The following GCA variants were observed in gnomAD, a reference collection of about 807,000 sequenced individuals.
GCA encodes grancalcin, EF-hand calcium-binding protein.
Under a neutral mutation model 32.6 loss-of-function variants are expected in GCA, and 30 were observed. The observed-to-expected ratio is 0.92, with a 90% CI of 0.69 to 1.25. The LOEUF (loss-of-function observed/expected upper bound fraction) is 1.25, where lower values mean the gene tolerates loss of function less well. GCA is among the 50% of genes most tolerant of loss of function. GCA has a pLI of 0.00. For synonymous variants in GCA, 102 were observed against 84.6 expected, an observed-to-expected ratio of 1.21 and a Z score of -1.13; for missense variants, 291 against 266.8, an observed-to-expected ratio of 1.09 and a Z score of -0.63.
chr2:162,352,499 A>G lies in GCA; in HGVS notation c.262+92A>G, dbSNP rs558556536. 9 of 789,748 alleles carry G rather than the reference A, an allele frequency of 1.1e-5. No individual in the cohort carries two copies. In the East Asian group the frequency reaches 2.2e-4, roughly 20 times the overall value. The allele number at this position is 789,748 out of a possible 1,614,324, so 48.9% of individuals were successfully genotyped here. A position where few individuals can be genotyped will look rare whatever the true frequency, so the allele number is the denominator to read the frequency against. On this transcript the variant is annotated intron_variant, in intron 3 of 7. Transcript: ENST00000437150. The stretch of plus-strand genomic sequence containing the variant: ...CTGTAATTAAAATGTTTAAAAAATT[A>G]TCACAGTTATACATGCACATAGTTT...
At chr2:162,319,074 G>A (rs1683575244) in exon 1 of GCA, 4 of 446,228 alleles carry the variant, frequency 9.0e-6, no homozygotes. Flanking sequence ...AGGCCTGGCT[G>A]AGGGTGGTGA....
chr2:162,341,270 TA>T (rs1684436695), upstream of GCA, among the ~76,000 whole-genome samples: 15 of 80,916 alleles, frequency 1.9e-4, no homozygotes, highest in African/African-American at 2.2e-4. Context: ...ATTTATTTTA[TA>T]TATATATATA....
chr2:162,362,518 A>G lies in GCA; in HGVS notation c.*2275A>G, dbSNP rs1685619159. 9.3e-6 allele frequency: 9 copies of G among 968,890 alleles called. No individual in the cohort carries two copies. The highest frequency in any genetic ancestry group is 1.1e-5 in the Non-Finnish European group (9 of 815,030). The allele number at this position is 968,890 out of a possible 1,614,324, so 60.0% of individuals were successfully genotyped here. On this transcript the variant is annotated 3_prime_UTR_variant, in exon 8 of 8. Coordinates refer to ENST00000437150, the MANE Select transcript of GCA (RefSeq NM_012198.5). ...TAACTTACACCCCAGTTCTTTTACG[A>G]TGATGTAAATTATTGAATAATGTAC...
intron 3 of GCA, 29 bp from the exon 4 acceptor site, chr2:162,356,409 C>T: frequency 7.3e-7 from 1 of 1,378,850 alleles, no homozygotes; most frequent in Non-Finnish European, 1.0e-6. Context: ...TGGGCATACT[C>T]TAATTTAAAT....
rs568604646 is a variant in GCA at position 162,361,529 on chromosome 2, G to T, written c.*1286G>T. 2.9e-5 allele frequency: 28 copies of T among 979,826 alleles called. No individual in the cohort carries two copies. In the African/African-American group the frequency reaches 4.9e-4, roughly 17 times the overall value. The allele number at this position is 979,826 out of a possible 1,614,324, so 60.7% of individuals were successfully genotyped here. ...ATCCCATGTTTCTTAATGGATGGAG[G>T]ATAGATGGCAATATCTTGAACAAAA... On this transcript the variant is annotated 3_prime_UTR_variant, in exon 8 of 8. Transcript: ENST00000437150.
rs567356408 is a variant in GCA at position 162,322,653 on chromosome 2, C to T, written c.-31+3428C>T. On this transcript the variant is annotated intron_variant, in intron 1 of 4. Transcript: ENST00000429691. ...ATTCCCACCTATGAGTGAGAATATGCGGTGTTTGGTTTTTTGTTCTTGCGA... is the reference window on the plus strand; with the variant it reads ...ATTCCCACCTATGAGTGAGAATATGTGGTGTTTGGTTTTTTGTTCTTGCGA... Among the ~76,000 whole-genome samples, 672 of 146,382 alleles carry T rather than the reference C, an allele frequency of 4.6e-3. 17 individuals are homozygous for T. The highest frequency in any genetic ancestry group is 0.016 in the African/African-American group (634 of 38,984).
exon 1 of GCA, chr2:162,319,067 C>T: frequency 2.3e-6 from 1 of 441,352 alleles, no homozygotes; most frequent in Non-Finnish European, 4.6e-6. Flanking sequence ...TGTAGGCAGG[C>T]CTGGCTGAGG....
intron 3 of GCA, among the ~76,000 whole-genome samples, chr2:162,355,431 A>G (rs115034514): frequency 5.8e-4 from 88 of 152,190 alleles, no homozygotes; most frequent in African/African-American, 1.6e-3. Context: ...TTCTGCTTTT[A>G]TAAAATGTTA....
intron 1 of GCA, among the ~76,000 whole-genome samples, chr2:162,332,788 A>G (rs1684144444): frequency 6.6e-6 from 1 of 152,168 alleles, no homozygotes; most frequent in South Asian, 2.1e-4. Flanking sequence ...AGTCACATTT[A>G]TTGCAAGTTT....
intron 7 of GCA, 68 bp downstream of exon 7, chr2:162,359,620 TG>T: frequency 1.4e-6 from 1 of 717,168 alleles, no homozygotes; most frequent in South Asian, 1.9e-5. Context: ...AAAATTTAAG[TG>T]ATCCCAAGTA....
At chr2:162,327,331 C>G (rs1318371693) in intron 1 of GCA, among the ~76,000 whole-genome samples, 1 of 152,112 alleles carries the variant, frequency 6.6e-6, no homozygotes, top group Non-Finnish European at 1.5e-5. Flanking sequence ...CCTCTGTTAA[C>G]TTCCCTATCA....
At chr2:162,325,336 A>G (rs1204178242) in intron 1 of GCA, among the ~76,000 whole-genome samples, 1 of 152,098 alleles carries the variant, frequency 6.6e-6, no homozygotes, top group African/African-American at 2.4e-5. Flanking sequence ...CTCTATTATA[A>G]AAGACCAAGG....
chr2:162,334,064 G>A (rs1012954827), intron 1 of GCA, among the ~76,000 whole-genome samples: 6 of 152,136 alleles, frequency 3.9e-5, no homozygotes, highest in Non-Finnish European at 2.9e-5. Context: ...CCTAGACATC[G>A]TCTTATCCAT....
At chr2:162,372,064 T>A (rs1307984532), downstream of GCA, 1 of 1,613,082 alleles carries the variant, frequency 6.2e-7, no homozygotes, top group Non-Finnish European at 8.5e-7. Flanking sequence ...GGATTTAAGT[T>A]TAGATTTTTC....
intron 1 of GCA, among the ~76,000 whole-genome samples, chr2:162,322,981 A>G (rs997589173): frequency 1.3e-5 from 2 of 151,934 alleles, no homozygotes; most frequent in Non-Finnish European, 2.9e-5. Flanking sequence ...AGGAATCACC[A>G]CACTGACTTC....
chr2:162,343,961 G>T (rs947950507), upstream of GCA: 4 of 459,212 alleles, frequency 8.7e-6, no homozygotes, highest in Non-Finnish European at 1.6e-5. Flanking sequence ...GGACTGGAGG[G>T]CTCCCGATGG....
chr2:162,356,752 T>G lies in GCA; in HGVS notation c.307-6T>G. ...CAGAATTTATTTTTGTTAATAAAAC[T>G]ATCAGAGAGATCACACAGGAAAAAT... is the stretch of plus-strand genomic sequence containing the variant. On this transcript the variant is annotated splice_polypyrimidine_tract_variant and splice_region_variant and intron_variant, in intron 4 of 7. Coordinates refer to ENST00000437150, the MANE Select transcript of GCA (RefSeq NM_012198.5). 2 of 1,594,414 alleles carry G rather than the reference T, an allele frequency of 1.3e-6. No homozygotes were observed. The highest frequency in any genetic ancestry group is 1.7e-6 in the Non-Finnish European group (2 of 1,166,722).
At chr2:162,365,863 G>T (rs1286656738), downstream of GCA, among the ~76,000 whole-genome samples, 1 of 151,350 alleles carries the variant, frequency 6.6e-6, no homozygotes, top group Non-Finnish European at 1.5e-5. Flanking sequence ...TAAATAAAGG[G>T]GCATTTGAGG....
rs781146543 is a variant in GCA, at chr2:162,358,993, A to C, written c.455-51A>C. ...TGACTTAATGAGAAAGCAATCTTGC[A>C]GTGTTCTTATGTTATTTACATTTAG... On this transcript the variant is annotated intron_variant, in intron 5 of 7. Coordinates refer to ENST00000437150, the MANE Select transcript of GCA (RefSeq NM_012198.5). 6 of 811,676 alleles carry C rather than the reference A, an allele frequency of 7.4e-6. No homozygotes were observed. The South Asian group carries it at 8.0e-5, about 11-fold the overall frequency. The allele number at this position is 811,676 out of a possible 1,614,324, so 50.3% of individuals were successfully genotyped here.
Sources: gnomAD v4.1 joint callset for allele counts (sites outside exome capture counted in the v4.1 genomes callset) on GRCh38, gnomAD v4.1.1 for gene constraint, MANE v1.5 for transcripts, NCBI Gene and HGNC (gene_info 2026-07-23, HGNC 2026-07-21) for gene names.